Variants in FOXN3 observed in about 807,000 individuals in gnomAD.
The protein encoded by FOXN3 is forkhead box protein N3.
In FOXN3, 7 loss-of-function variants were observed where a neutral mutation model predicts 38.4. The ratio of observed to expected loss-of-function variants is 0.18; its 90% confidence interval spans 0.10 to 0.34. The LOEUF (loss-of-function observed/expected upper bound fraction) is 0.34. Among genes scored for constraint, FOXN3 ranks in the 10% least tolerant of loss-of-function variants. The pLI is 1.00. For missense variants in FOXN3, 456 were observed against 613.4 expected, an observed-to-expected ratio of 0.74 and a Z score of 2.71; for synonymous variants, 230 against 242.2, an observed-to-expected ratio of 0.95 and a Z score of 0.47.
At position 89,158,683 on chromosome 14, in the gene FOXN3, A is replaced by C. The variant is rs1480320938; in HGVS notation, c.*3731T>G. 6.6e-6 allele frequency: 1 copy of C among 152,608 alleles called. No homozygotes were observed. Among genetic ancestry groups the C allele is most frequent in the Non-Finnish European group, 1.5e-5 (1 of 68,046 alleles). The allele number at this position is 152,608 out of a possible 1,614,324, so 9.5% of individuals were successfully genotyped here. On this transcript the variant is annotated 3_prime_UTR_variant, in exon 6 of 6. Transcript: ENST00000557258. ...ATAGTACTAGATAAAGACAAAAGAC[A>C]ATTATAATAGGATAAAAATAACTGT...
chr14:89,380,679 C>A (rs146963131), intron 2 of FOXN3, among the ~76,000 whole-genome samples: 1 of 152,250 alleles, frequency 6.6e-6, no homozygotes, highest in Admixed American at 6.5e-5. Flanking sequence ...AGGGTGCCCA[C>A]AACCCCGTCC....
chr14:89,594,686 A>G (rs1023953412), intron 1 of FOXN3, among the ~76,000 whole-genome samples: 3 of 152,222 alleles, frequency 2.0e-5, no homozygotes, highest in African/African-American at 7.2e-5. Flanking sequence ...TTGATGAACA[A>G]AAGCTCATTT....
chr14:89,294,361 G>A (rs1480596809), intron 3 of FOXN3, among the ~76,000 whole-genome samples: 3 of 152,118 alleles, frequency 2.0e-5, no homozygotes. Context: ...TGTCAACAAA[G>A]CCTCTCATTT....
intron 4 of FOXN3, among the ~76,000 whole-genome samples, chr14:89,275,452 C>T (rs549755881): frequency 9.3e-4 from 142 of 152,240 alleles, no homozygotes; most frequent in Middle Eastern, 6.8e-3. Flanking sequence ...GCAAATGAAG[C>T]GCTAGGTATG....
chr14:89,485,874 C>T (rs1035347621), intron 1 of FOXN3, among the ~76,000 whole-genome samples: 2 of 152,116 alleles, frequency 1.3e-5, no homozygotes, highest in African/African-American at 4.8e-5. Context: ...GGCTCAATGC[C>T]ACGCCTCTTC....
At chr14:89,522,277 C>T (rs1894336200) in intron 1 of FOXN3, among the ~76,000 whole-genome samples, 1 of 151,984 alleles carries the variant, frequency 6.6e-6, no homozygotes, top group South Asian at 2.1e-4. Context: ...GGGCTGTAGA[C>T]ACAAAATGAA....
At position 89,381,849 on chromosome 14, in the gene FOXN3, G is replaced by A. The variant is rs533489851; in HGVS notation, c.543+30085C>T. ...TACTCCAGCCTGGGCAACAGAGAAG[G>A]AGGGGAGGGGAGGGGAAGGGAAGGG... On this transcript the variant is annotated intron_variant, in intron 2 of 5. Transcript: ENST00000557258. 1.1e-4 allele frequency among the ~76,000 whole-genome samples: 16 copies of A among 151,686 alleles called. No homozygotes were observed. The East Asian group carries it at 1.6e-3, about 15-fold the overall frequency.
chr14:89,270,259 T>C (rs372890136), intron 4 of FOXN3, among the ~76,000 whole-genome samples: 9 of 152,234 alleles, frequency 5.9e-5, no homozygotes, highest in Non-Finnish European at 1.5e-5. Flanking sequence ...TGAAAACAGT[T>C]TGAAACATTC....
chr14:89,322,597 T>C (rs1030320447), intron 3 of FOXN3, among the ~76,000 whole-genome samples: 5 of 152,012 alleles, frequency 3.3e-5, no homozygotes, highest in African/African-American at 4.8e-5. Context: ...ATGAAGGACA[T>C]TCAGTAAGGC....
intron 4 of FOXN3, among the ~76,000 whole-genome samples, chr14:89,241,264 G>A (rs573661767): frequency 3.3e-5 from 5 of 152,312 alleles, no homozygotes; most frequent in East Asian, 3.9e-4. Context: ...AAGTTCACAC[G>A]AATGTTCACA....
intron 3 of FOXN3, among the ~76,000 whole-genome samples, chr14:89,312,975 G>C (rs190113502): frequency 2.0e-5 from 3 of 152,168 alleles, no homozygotes; most frequent in South Asian, 2.1e-4. Flanking sequence ...ATAAATGACT[G>C]ATAGTACAAA....
chr14:89,276,203 C>T (rs11624494), intron 4 of FOXN3, among the ~76,000 whole-genome samples: 36,864 of 151,998 alleles, frequency 0.24, 4,686 homozygotes, highest in East Asian at 0.3. Context: ...CACTTGAACC[C>T]GGGAGGCAGA....
At chr14:89,242,866 C>T (rs1438482865) in intron 4 of FOXN3, among the ~76,000 whole-genome samples, 1 of 152,228 alleles carries the variant, frequency 6.6e-6, no homozygotes, top group African/African-American at 2.4e-5. Context: ...CCAAAACACT[C>T]TCGTGAAAGA....
rs187326427 is a variant in FOXN3, at chr14:89,159,910, G to A, written c.*2504C>T. On this transcript the variant is annotated 3_prime_UTR_variant, in exon 6 of 6. Transcript: ENST00000557258. The stretch of plus-strand genomic sequence containing the variant: ...GTATTCAGCTTCAGGTCATGAATTC[G>A]ACCTGCTGTAGAGGTGTAGGTTTTT... 1.3e-5 allele frequency: 2 copies of A among 152,288 alleles called. No homozygotes were observed. Among genetic ancestry groups the A allele is most frequent in the East Asian group, 1.9e-4 (1 of 5,174 alleles). The allele number at this position is 152,288 out of a possible 1,614,324, so 9.4% of individuals were successfully genotyped here.
At chr14:89,172,229 A>G (rs954130380) in intron 5 of FOXN3, among the ~76,000 whole-genome samples, 45 of 152,212 alleles carry the variant, frequency 3.0e-4, no homozygotes, top group African/African-American at 1.0e-3. Flanking sequence ...AGAACTATAC[A>G]TGCTCATGGA....
rs55935162 is a variant in FOXN3, at chr14:89,528,376, C to CTTTTTTTTTTTTTTTTTTTTTTTTT, written c.-15+90627_-15+90651dup. On this transcript the variant is annotated intron_variant, in intron 1 of 6. Transcript: ENST00000345097. ...TCATCCATACTCAACATGGATGAAT[C>CTTTTTTTTTTTTTTTTTTTTTTTTT]TTTTTTTTTTTTTTTTTTTTTTTTT... Among the ~76,000 whole-genome samples, 5 of 53,550 alleles carry CTTTTTTTTTTTTTTTTTTTTTTTTT rather than the reference C, an allele frequency of 9.3e-5. 2 individuals carry two copies. The highest frequency in any genetic ancestry group is 1.7e-4 in the Non-Finnish European group (5 of 29,538). The allele number at this position is 53,550 out of a possible 152,430, so 35.1% of individuals were successfully genotyped here.
chr14:89,283,380 A>C (rs961316112), intron 3 of FOXN3, among the ~76,000 whole-genome samples: 5 of 152,178 alleles, frequency 3.3e-5, no homozygotes, highest in Admixed American at 1.3e-4. Flanking sequence ...ACTCATGGTT[A>C]TGCCTCCAGT....
chr14:89,481,088 C>CT (rs11444066), intron 1 of FOXN3, among the ~76,000 whole-genome samples: 105,641 of 142,722 alleles, frequency 0.74, 38,908 homozygotes, highest in Non-Finnish European at 0.79. Flanking sequence ...TGTGGTTAAG[C>CT]TTTTTTTTTT....
At chr14:89,272,721 C>A (rs1386805962) in intron 4 of FOXN3, among the ~76,000 whole-genome samples, 2 of 152,050 alleles carry the variant, frequency 1.3e-5, no homozygotes, top group Non-Finnish European at 2.9e-5. Context: ...CGCATGGTGG[C>A]GCACGCCTGT....
Sources: allele counts gnomAD v4.1 joint callset (sites outside exome capture counted in the v4.1 genomes callset), GRCh38; gene constraint gnomAD v4.1.1; transcripts MANE v1.5; gene names NCBI Gene and HGNC (gene_info 2026-07-23, HGNC 2026-07-21).